Variants in EPHA3 observed in about 807,000 individuals in gnomAD.
EPHA3 encodes the protein ephrin type-A receptor 3.
A neutral mutation model predicts 107.1 loss-of-function variants in EPHA3; 42 were observed. The observed-to-expected ratio is 0.39, with a 90% CI of 0.31 to 0.51. The LOEUF (loss-of-function observed/expected upper bound fraction) is 0.51. EPHA3 is among the 20% of genes least tolerant of loss of function. EPHA3 has a pLI of 0.78. For missense variants in EPHA3, 1,183 were observed against 1,211.2 expected, an observed-to-expected ratio of 0.98 and a Z score of 0.35; for synonymous variants, 461 against 424.8, an observed-to-expected ratio of 1.09 and a Z score of -1.05.
At chr3:89,458,926 G>T (rs551273514) in intron 15 of EPHA3, among the ~76,000 whole-genome samples, 25 of 152,248 alleles carry the variant, frequency 1.6e-4, no homozygotes, top group African/African-American at 5.3e-4. Flanking sequence ...ACTAACACAG[G>T]AACAGAAAAC....
intron 2 of EPHA3, among the ~76,000 whole-genome samples, chr3:89,170,700 G>T (rs1705192745): frequency 6.6e-6 from 1 of 152,118 alleles, no homozygotes; most frequent in South Asian, 2.1e-4. Flanking sequence ...TTATAAAAAT[G>T]ATACGTTTCT....
chr3:89,346,365 C>T (rs978602325), intron 5 of EPHA3, among the ~76,000 whole-genome samples: 9 of 139,928 alleles, frequency 6.4e-5, no homozygotes, highest in Admixed American at 2.1e-4. Context: ...TCTCTGATGG[C>T]CAGTGATGAT....
chr3:89,290,590 G>A (rs1235257983), intron 3 of EPHA3, among the ~76,000 whole-genome samples: 3 of 152,104 alleles, frequency 2.0e-5, no homozygotes, highest in Non-Finnish European at 2.9e-5. Flanking sequence ...AAAGCTAAGT[G>A]TCATTATGTG....
chr3:89,287,403 A>G lies in EPHA3; in HGVS notation c.815-53513A>G, dbSNP rs1706114366. On this transcript the variant is annotated intron_variant, in intron 3 of 16. Transcript: ENST00000336596. ...GCATTCAAGTGAGTGTCCTTTTACC[A>G]TCATGTTGATAATTCTCAATGAAAA... Among the ~76,000 whole-genome samples, 7 of 152,250 alleles carry G rather than the reference A, an allele frequency of 4.6e-5. No homozygotes were observed. The South Asian group carries it at 1.4e-3, about 32-fold the overall frequency.
At chr3:89,211,980 G>T (rs759454125) in intron 3 of EPHA3, among the ~76,000 whole-genome samples, 1 of 151,734 alleles carries the variant, frequency 6.6e-6, no homozygotes, top group Non-Finnish European at 1.5e-5. Context: ...TTTAAGAATC[G>T]CATGCCAAAC....
chr3:89,345,383 T>C (rs1455408362), intron 5 of EPHA3, among the ~76,000 whole-genome samples: 1 of 151,326 alleles, frequency 6.6e-6, no homozygotes, highest in East Asian at 1.9e-4. Context: ...CATGTGTATG[T>C]ACAATTTCTA....
At chr3:89,194,455 T>C (rs1705789237) in intron 2 of EPHA3, among the ~76,000 whole-genome samples, 1 of 152,040 alleles carries the variant, frequency 6.6e-6, no homozygotes, top group Admixed American at 6.6e-5. Context: ...TAGGTTGGAC[T>C]TTTATTAGCT....
At chr3:89,278,968 A>C (rs1165356975) in intron 3 of EPHA3, among the ~76,000 whole-genome samples, 2 of 152,186 alleles carry the variant, frequency 1.3e-5, no homozygotes, top group African/African-American at 4.8e-5. Context: ...CATTCAACTT[A>C]CTTGCTGGTA....
At chr3:89,174,395 GT>G (rs1218583248) in intron 2 of EPHA3, among the ~76,000 whole-genome samples, 1 of 151,912 alleles carries the variant, frequency 6.6e-6, no homozygotes, top group Non-Finnish European at 1.5e-5. Context: ...TTTCATTATT[GT>G]TTTTATCAGG....
At chr3:89,458,730 G>A (rs1450845115) in intron 15 of EPHA3, among the ~76,000 whole-genome samples, 1 of 152,156 alleles carries the variant, frequency 6.6e-6, no homozygotes, top group Non-Finnish European at 1.5e-5. Flanking sequence ...GCGTGCACAC[G>A]TATGTTTGTT....
At chr3:89,285,350 A>G (rs1264994468) in intron 3 of EPHA3, among the ~76,000 whole-genome samples, 1 of 152,172 alleles carries the variant, frequency 6.6e-6, no homozygotes, top group Non-Finnish European at 1.5e-5. Context: ...GGTGCTAGGC[A>G]ATTTTCTATG....
intron 3 of EPHA3, among the ~76,000 whole-genome samples, chr3:89,219,621 A>G (rs1452607101): frequency 6.7e-6 from 1 of 149,924 alleles, no homozygotes; most frequent in African/African-American, 2.5e-5. Context: ...TATTACCTAT[A>G]GAATTCTGGA....
intron 3 of EPHA3, among the ~76,000 whole-genome samples, chr3:89,281,909 T>A (rs1427455838): frequency 1.3e-5 from 2 of 152,210 alleles, no homozygotes; most frequent in Admixed American, 6.5e-5. Context: ...AAAATGGTAA[T>A]ATAGTTCTTT....
intron 2 of EPHA3, among the ~76,000 whole-genome samples, chr3:89,151,490 G>T (rs927106869): frequency 1.3e-5 from 2 of 152,054 alleles, no homozygotes; most frequent in Non-Finnish European, 2.9e-5. Flanking sequence ...CAGTCACTTG[G>T]GGACATTAGA....
chr3:89,382,051 A>AT (rs1708519585), intron 5 of EPHA3, among the ~76,000 whole-genome samples: 1 of 152,176 alleles, frequency 6.6e-6, no homozygotes. Context: ...ATAGCCAGCT[A>AT]TTTCTTTAGA....
intron 1 of EPHA3, among the ~76,000 whole-genome samples, chr3:89,110,353 T>A (rs1047241565): frequency 1.1e-4 from 17 of 151,994 alleles, no homozygotes; most frequent in African/African-American, 3.9e-4. Context: ...AGTTGTGTGA[T>A]GTGTTTTTTA....
intron 2 of EPHA3, among the ~76,000 whole-genome samples, chr3:89,142,205 C>G (rs895092890): frequency 6.6e-6 from 1 of 151,328 alleles, no homozygotes; most frequent in Non-Finnish European, 1.5e-5. Flanking sequence ...TAGGAAATGT[C>G]TACCATATCA....
intron 5 of EPHA3, among the ~76,000 whole-genome samples, chr3:89,384,098 T>G (rs951218588): frequency 1.3e-5 from 2 of 152,160 alleles, no homozygotes; most frequent in Admixed American, 6.5e-5. Flanking sequence ...TAAATGTGAT[T>G]TATTGTTCAG....
At chr3:89,182,669 A>T (rs1705469289) in intron 2 of EPHA3, among the ~76,000 whole-genome samples, 1 of 151,928 alleles carries the variant, frequency 6.6e-6, no homozygotes, top group Admixed American at 6.6e-5. Flanking sequence ...TGGTGCGTGC[A>T]TAGGCATGTG....
Sources: gnomAD v4.1 joint callset for allele counts (sites outside exome capture counted in the v4.1 genomes callset) on GRCh38, gnomAD v4.1.1 for gene constraint, MANE v1.5 for transcripts, NCBI Gene and HGNC (gene_info 2026-07-23, HGNC 2026-07-21) for gene names.